Variants in ERC2 observed in about 807,000 individuals in gnomAD.
ERC2 encodes ERC protein 2.
ERC2 carries 42 observed loss-of-function variants against 114.8 expected under a neutral mutation model. That is an observed-to-expected ratio of 0.37 (90% confidence interval 0.29 to 0.47). The LOEUF is 0.47. Among genes scored for constraint, ERC2 ranks in the 20% least tolerant of loss-of-function variants. The pLI, the probability that ERC2 is intolerant of heterozygous loss-of-function variation, is 0.99. For missense variants in ERC2, 939 were observed against 1,150.7 expected, an observed-to-expected ratio of 0.82 and a Z score of 2.66; for synonymous variants, 454 against 425.5, an observed-to-expected ratio of 1.07 and a Z score of -0.82.
intron 2 of ERC2, among the ~76,000 whole-genome samples, chr3:56,330,055 GAGGGTGTCTCTCTGTC>G (rs1458104838): frequency 1.7e-4 from 25 of 150,310 alleles, no homozygotes; most frequent in African/African-American, 6.1e-4. Context: ...AAGAGAGAGA[GAGGGTGTCTCTCTGTC>G]ACCCAGGCTA....
At chr3:55,748,582 T>C (rs2066457599) in intron 14 of ERC2, among the ~76,000 whole-genome samples, 1 of 152,194 alleles carries the variant, frequency 6.6e-6, no homozygotes, top group African/African-American at 2.4e-5. Context: ...CATGAGCAAA[T>C]GCTGGATCAT....
At chr3:56,160,172 C>T (rs2081973199) in intron 4 of ERC2, among the ~76,000 whole-genome samples, 1 of 152,164 alleles carries the variant, frequency 6.6e-6, no homozygotes, top group Non-Finnish European at 1.5e-5. Context: ...TGTGCTTTGA[C>T]TTTTTAATAA....
intron 3 of ERC2, among the ~76,000 whole-genome samples, chr3:56,220,168 T>C (rs578114592): frequency 6.6e-6 from 1 of 152,320 alleles, no homozygotes; most frequent in African/African-American, 2.4e-5. Flanking sequence ...TAGGGCTTTA[T>C]GCAGATAAGA....
chr3:55,888,436 G>A lies in ERC2; in HGVS notation c.2517C>T (p.Asn839=), dbSNP rs1297159273. 2 of 1,613,824 alleles carry A rather than the reference G, an allele frequency of 1.2e-6. No individual in the cohort carries two copies. Among genetic ancestry groups the A allele is most frequent in the African/African-American group, 1.3e-5 (1 of 74,986 alleles). Residue 839 remains asparagine, a synonymous_variant, in exon 14 of 18, where the codon AAC becomes AAT. Transcript: ENST00000288221. ...SLAEKEAHLA[N]LRIERRKQLE... is the part of the protein sequence containing the mutation. ...GCTGTTTCCTCCTCTCAATCCGGAG[G>A]TTGGCCAAGTGCGCTTCTTTTTCGG...
At chr3:56,078,420 A>G (rs951935667) in intron 7 of ERC2, among the ~76,000 whole-genome samples, 1 of 152,226 alleles carries the variant, frequency 6.6e-6, no homozygotes, top group Non-Finnish European at 1.5e-5. Context: ...CTGGCTGACC[A>G]TAACAGAACA....
At chr3:55,714,192 C>T (rs74481985) in intron 15 of ERC2, among the ~76,000 whole-genome samples, 7,298 of 152,186 alleles carry the variant, frequency 0.048, 578 homozygotes, top group African/African-American at 0.16. Flanking sequence ...AAGTTAATTT[C>T]TGTCTTCTTT....
chr3:55,636,723 G>A (rs1177535004), intron 17 of ERC2, among the ~76,000 whole-genome samples: 6 of 152,142 alleles, frequency 3.9e-5, no homozygotes, highest in African/African-American at 9.7e-5. Flanking sequence ...GAAAATAAAC[G>A]AAGAGGTGTG....
chr3:56,188,241 G>A (rs1412084943), intron 3 of ERC2, among the ~76,000 whole-genome samples: 1 of 152,160 alleles, frequency 6.6e-6, no homozygotes, highest in Non-Finnish European at 1.5e-5. Context: ...TCTCCATCCA[G>A]TTGCCCTCAG....
chr3:55,927,536 A>G (rs2065818262), intron 13 of ERC2, among the ~76,000 whole-genome samples: 1 of 152,224 alleles, frequency 6.6e-6, no homozygotes, highest in East Asian at 1.9e-4. Flanking sequence ...ATGTGCAATA[A>G]TCACATCAGA....
At chr3:55,546,767 G>A (rs539158686) in intron 17 of ERC2, among the ~76,000 whole-genome samples, 4 of 152,300 alleles carry the variant, frequency 2.6e-5, no homozygotes, top group African/African-American at 9.6e-5. Flanking sequence ...GTGTGCAAGC[G>A]CAGGCCTCTC....
chr3:55,709,102 G>T (rs1399284100), intron 15 of ERC2, among the ~76,000 whole-genome samples: 2 of 152,144 alleles, frequency 1.3e-5, no homozygotes, highest in African/African-American at 2.4e-5. Context: ...TAATGAATGG[G>T]CAAAACAGCC....
intron 1 of ERC2, among the ~76,000 whole-genome samples, chr3:56,460,325 A>T (rs571828874): frequency 1.1e-4 from 16 of 152,314 alleles, no homozygotes; most frequent in Admixed American, 3.3e-4. Flanking sequence ...CTTGAGAGTA[A>T]GGCAGAGGTG....
intron 6 of ERC2, among the ~76,000 whole-genome samples, chr3:56,120,381 G>C (rs575382433): frequency 4.1e-4 from 62 of 152,302 alleles, no homozygotes; most frequent in African/African-American, 1.5e-3. Flanking sequence ...AATTTTAAGG[G>C]AAGAGGACTA....
chr3:55,915,020 C>G (rs2065013445), intron 13 of ERC2, among the ~76,000 whole-genome samples: 1 of 152,146 alleles, frequency 6.6e-6, no homozygotes, highest in South Asian at 2.1e-4. Context: ...TTTATAAAAT[C>G]TATGCCGTCG....
intron 2 of ERC2, among the ~76,000 whole-genome samples, chr3:56,429,159 C>T (rs139929581): frequency 6.6e-6 from 1 of 152,136 alleles, no homozygotes; most frequent in Non-Finnish European, 1.5e-5. Flanking sequence ...TCTCTTTGAT[C>T]TCCGTAACAC....
chr3:56,106,208 G>A (rs551034143), intron 6 of ERC2, among the ~76,000 whole-genome samples: 8 of 152,254 alleles, frequency 5.3e-5, no homozygotes, highest in African/African-American at 1.9e-4. Context: ...CTGCCTGTTC[G>A]CTAGGCAGAA....
intron 2 of ERC2, among the ~76,000 whole-genome samples, chr3:56,310,844 T>C (rs926691889): frequency 1.3e-5 from 2 of 151,990 alleles, no homozygotes; most frequent in African/African-American, 4.8e-5. Flanking sequence ...ACAGGTAATC[T>C]GTAGTCACAT....
chr3:55,689,493 C>T (rs1462679609), intron 16 of ERC2, among the ~76,000 whole-genome samples: 2 of 152,072 alleles, frequency 1.3e-5, no homozygotes, highest in African/African-American at 4.8e-5. Flanking sequence ...GCCAGATAAC[C>T]ATAAAAAAGG....
At chr3:56,431,677 T>G (rs1359071612) in intron 2 of ERC2, among the ~76,000 whole-genome samples, 1 of 152,228 alleles carries the variant, frequency 6.6e-6, no homozygotes, top group East Asian at 1.9e-4. Flanking sequence ...GAAGACAGTT[T>G]TTTTAATAGC....
Sources: allele counts gnomAD v4.1 joint callset (sites outside exome capture counted in the v4.1 genomes callset), GRCh38; gene constraint gnomAD v4.1.1; transcripts MANE v1.5; gene names NCBI Gene and HGNC (gene_info 2026-07-23, HGNC 2026-07-21).